The following MARK2 variants were observed in gnomAD, a reference collection of about 807,000 sequenced individuals.
The protein encoded by MARK2 is serine/threonine-protein kinase MARK2.
Under a neutral mutation model 89.8 loss-of-function variants are expected in MARK2, and 16 were observed. The ratio of observed to expected loss-of-function variants is 0.18; its 90% CI spans 0.12 to 0.27. MARK2 has a LOEUF of 0.27. Among genes scored for constraint, MARK2 ranks in the 10% least tolerant of loss-of-function variants. The pLI, the probability that MARK2 is intolerant of heterozygous loss-of-function variation, is 1.00. For synonymous variants in MARK2, 382 were observed against 399.5 expected (o/e 0.96, Z 0.52); for missense variants, 621 against 1,049.9 (o/e 0.59, Z 5.65).
intron 1 of MARK2, chr11:63,888,937 G>A: frequency 7.4e-7 from 1 of 1,351,378 alleles, no homozygotes; most frequent in African/African-American, 1.5e-5. Context: ...GGAAGTCGCT[G>A]GTAGTCCTTT....
rs149425908 is a variant in MARK2 at position 63,847,354 on chromosome 11, C to A, written c.54+7794C>A. 2.6e-5 allele frequency among the ~76,000 whole-genome samples: 4 copies of A among 152,274 alleles called. No homozygotes were observed. In the East Asian group the frequency reaches 7.7e-4, roughly 29 times the overall value. On this transcript the variant is annotated intron_variant, in intron 1 of 18. Coordinates refer to ENST00000402010, the MANE Select transcript of MARK2 (RefSeq NM_001039469.3). ...AGAGGAGGGGAGATGGACACTGATA[C>A]TGGTGGCTAGGTGATCCTGAGGGAC... is the stretch of plus-strand genomic sequence containing the variant.
chr11:63,844,912 T>TGA (rs1161034276), intron 1 of MARK2, among the ~76,000 whole-genome samples: 3 of 152,214 alleles, frequency 2.0e-5, no homozygotes. Flanking sequence ...GGTTCCTACT[T>TGA]ATGTATTATG....
At chr11:63,855,962 T>G (rs2016815865) in intron 1 of MARK2, among the ~76,000 whole-genome samples, 1 of 152,242 alleles carries the variant, frequency 6.6e-6, no homozygotes, top group Non-Finnish European at 1.5e-5. Flanking sequence ...TAATAAATAT[T>G]TTTTAAAATT....
chr11:63,870,283 CA>C (rs1375903262), intron 1 of MARK2, among the ~76,000 whole-genome samples: 2 of 152,150 alleles, frequency 1.3e-5, no homozygotes, highest in Non-Finnish European at 2.9e-5. Flanking sequence ...CAATATTGCC[CA>C]GGCTGGTCTC....
intron 1 of MARK2, among the ~76,000 whole-genome samples, chr11:63,842,217 C>CTTTT (rs563980317): frequency 7.5e-6 from 1 of 133,064 alleles, no homozygotes; most frequent in Admixed American, 7.5e-5. Flanking sequence ...TTCCTGTATT[C>CTTTT]TTTTTTTTTT....
intron 1 of MARK2, among the ~76,000 whole-genome samples, chr11:63,872,670 G>A (rs553522961): frequency 6.6e-6 from 1 of 152,178 alleles, no homozygotes; most frequent in African/African-American, 2.4e-5. Flanking sequence ...GGACCAACCC[G>A]CTTCTACCGT....
intron 1 of MARK2, chr11:63,849,856 T>A (rs2016477552): frequency 6.6e-6 from 1 of 152,236 alleles, no homozygotes; most frequent in Non-Finnish European, 1.5e-5. Context: ...TTTGCTCATC[T>A]GTAAAATGGG....
chr11:63,890,685 G>A (rs1488157987), intron 1 of MARK2, among the ~76,000 whole-genome samples: 3 of 152,218 alleles, frequency 2.0e-5, no homozygotes, highest in Non-Finnish European at 2.9e-5. Flanking sequence ...CTGGCTTAGC[G>A]GGCTCAACTT....
intron 1 of MARK2, among the ~76,000 whole-genome samples, chr11:63,840,459 G>A (rs538807257): frequency 6.6e-6 from 1 of 152,142 alleles, no homozygotes; most frequent in East Asian, 1.9e-4. Flanking sequence ...AAGACACTTG[G>A]CCCCACCGTA....
At chr11:63,873,770 C>T (rs1047692527) in intron 1 of MARK2, among the ~76,000 whole-genome samples, 3 of 152,210 alleles carry the variant, frequency 2.0e-5, no homozygotes, top group Admixed American at 6.5e-5. Context: ...CTCAGCCTCC[C>T]GAGTAGCTGA....
At chr11:63,885,723 A>G (rs550606080) in intron 1 of MARK2, among the ~76,000 whole-genome samples, 79 of 151,850 alleles carry the variant, frequency 5.2e-4, no homozygotes, top group African/African-American at 1.8e-3. Context: ...AATCCCAGCT[A>G]TTTGGGAGGC....
At position 63,902,089 on chromosome 11, in the gene MARK2, C is replaced by G. The variant is rs374374876; in HGVS notation, c.1102-109C>G. On this transcript the variant is annotated intron_variant, in intron 11 of 18. Coordinates refer to ENST00000402010, the MANE Select transcript of MARK2 (RefSeq NM_001039469.3). This position sits in a 1 kb window ranked among gnomAD's most constrained non-coding sequence, Gnocchi z 4.2. ...CTTACAAGTGGATGTCCGGTATGAT[C>G]CTGGGGTGTTTGAGTGTTGGGAGAG... is the stretch of plus-strand genomic sequence containing the variant. The G allele has an allele frequency of 7.5e-5, 91 of 1,215,090 alleles. No individual in the cohort carries two copies. The highest frequency in any genetic ancestry group is 6.3e-4 in the South Asian group (45 of 71,190). The allele number at this position is 1,215,090 out of a possible 1,614,324, so 75.3% of individuals were successfully genotyped here.
At position 63,909,330 on chromosome 11, in the gene MARK2, A is replaced by ATTGG. The variant is rs760419346; in HGVS notation, c.*95_*98dup. ...CACCTGGGCGAGACTGCAGCGATGG[A>ATTGG]TTGGTGTGTCTCCCCTGCTGGCACT... On this transcript the variant is annotated 3_prime_UTR_variant, in exon 19 of 19. Transcript: ENST00000402010. The ATTGG allele has an allele frequency of 1.4e-5, 18 of 1,329,818 alleles. No individual in the cohort carries two copies. Among genetic ancestry groups the ATTGG allele is most frequent in the Non-Finnish European group, 1.7e-5 (17 of 996,600 alleles). The allele number at this position is 1,329,818 out of a possible 1,614,324, so 82.4% of individuals were successfully genotyped here. A position where few individuals can be genotyped will look rare whatever the true frequency, so the allele number is the denominator to read the frequency against.
At chr11:63,842,265 G>A (rs1023389713) in intron 1 of MARK2, among the ~76,000 whole-genome samples, 1 of 148,466 alleles carries the variant, frequency 6.7e-6, no homozygotes, top group African/African-American at 2.5e-5. Context: ...TCGCCAGGCT[G>A]GAGTGCAGTG....
At chr11:63,908,387 T>G in intron 18 of MARK2, 83 bp downstream of exon 18, 1 of 1,193,222 alleles carries the variant, frequency 8.4e-7, no homozygotes, top group Non-Finnish European at 1.2e-6. Flanking sequence ...CTTCTGCCAC[T>G]TGGCTCTTCC....
Position 63,904,893 on chromosome 11 carries a change from G to A in MARK2, c.1784G>A (p.Ser595Asn). 6.2e-7 allele frequency: 1 copy of A among 1,614,250 alleles called. No individual in the cohort carries two copies. The highest frequency in any genetic ancestry group is 1.3e-5 in the African/African-American group (1 of 75,070). ...TNFPRGVSSR[S>N]TFHAGQLRQV... is the part of the protein sequence containing the mutation. ...TTCCCCCGGGGTGTGTCCAGCCGAA[G>A]CACCTTCCATGCTGGGCAGCTCCGA... Residue 595 changes from serine to asparagine, a missense_variant, in exon 16 of 19, where the codon AGC becomes AAC. By Grantham distance (46) the Ser-to-Asn change is conservative. Around this residue, in one of 5 missense-constraint regions of MARK2, gnomAD observed 397 missense variants for 567.8 expected, o/e 0.70. Coordinates refer to ENST00000402010, the MANE Select transcript of MARK2 (RefSeq NM_001039469.3). This position sits in a 1 kb window ranked among gnomAD's most constrained non-coding sequence, Gnocchi z 6.3.
chr11:63,856,176 G>T (rs867593223), intron 1 of MARK2, among the ~76,000 whole-genome samples: 8 of 152,070 alleles, frequency 5.3e-5, no homozygotes, highest in Non-Finnish European at 8.8e-5. Flanking sequence ...CCCTGCCTGG[G>T]CCTCAAAGAG....
intron 1 of MARK2, 110 bp downstream of exon 1, chr11:63,839,670 C>A (rs2015904164): frequency 2.5e-5 from 18 of 730,272 alleles, no homozygotes; most frequent in Non-Finnish European, 4.1e-5. Context: ...CTGCAAGCCT[C>A]GGCTGCCCTG....
intron 1 of MARK2, among the ~76,000 whole-genome samples, chr11:63,873,622 TGCTGAATGGGGAG>T (rs1387283231): frequency 6.6e-6 from 1 of 152,144 alleles, no homozygotes; most frequent in Non-Finnish European, 1.5e-5. Flanking sequence ...AGCCCGACCC[TGCTGAATGGGGAG>T]GATTGTTTAT....
Sources: gnomAD v4.1 joint callset for allele counts (sites outside exome capture counted in the v4.1 genomes callset) on GRCh38, gnomAD v4.1.1 for gene constraint, gnomAD v4.1.1 regional missense constraint, Gnocchi (gnomAD v3.1) non-coding constraint, MANE v1.5 for transcripts, NCBI Gene and HGNC (gene_info 2026-07-23, HGNC 2026-07-21) for gene names.